Variants in KCNJ3 observed in about 807,000 individuals in gnomAD.
KCNJ3 encodes the protein potassium inwardly rectifying channel subfamily J member 3, also known as G protein-activated inward rectifier potassium channel 1.
Under a neutral mutation model 39.2 loss-of-function variants are expected in KCNJ3, and 4 were observed. The ratio of observed to expected loss-of-function variants is 0.10; its 90% CI spans 0.05 to 0.23. The LOEUF (loss-of-function observed/expected upper bound fraction) is 0.23, where lower values mean the gene tolerates loss of function less well. Among genes scored for constraint, KCNJ3 ranks in the 10% least tolerant of loss-of-function variants. The pLI is 1.00. For missense variants in KCNJ3, 276 were observed against 634.9 expected, an observed-to-expected ratio of 0.43 and a Z score of 6.08; for synonymous variants, 230 against 237.4, an observed-to-expected ratio of 0.97 and a Z score of 0.29.
intron 2 of KCNJ3, among the ~76,000 whole-genome samples, chr2:154,824,297 C>T (rs755388220): frequency 2.6e-5 from 4 of 152,070 alleles, no homozygotes; most frequent in Non-Finnish European, 5.9e-5. Context: ...GATCGCGCCA[C>T]TGCACTCCAG....
intron 2 of KCNJ3, among the ~76,000 whole-genome samples, chr2:154,774,470 T>C (rs114251244): frequency 0.017 from 2,659 of 152,186 alleles, 34 homozygotes; most frequent in Non-Finnish European, 0.028. Context: ...ATTAACATCA[T>C]TATTTAGAAA....
chr2:154,828,107 G>A (rs1687300366), intron 2 of KCNJ3, among the ~76,000 whole-genome samples: 1 of 152,128 alleles, frequency 6.6e-6, no homozygotes, highest in Non-Finnish European at 1.5e-5. Flanking sequence ...CTAAAACTAA[G>A]TCTTAGAAGA....
At chr2:154,791,887 G>A (rs1574464161) in intron 2 of KCNJ3, among the ~76,000 whole-genome samples, 1 of 152,042 alleles carries the variant, frequency 6.6e-6, no homozygotes, top group Admixed American at 6.6e-5. Flanking sequence ...TCTAGTACAG[G>A]CGAGATTTTG....
At chr2:154,720,995 A>G (rs1261464970) in intron 2 of KCNJ3, among the ~76,000 whole-genome samples, 1 of 151,438 alleles carries the variant, frequency 6.6e-6, no homozygotes, top group East Asian at 1.9e-4. Flanking sequence ...ATGTTTCAGC[A>G]TGTGTTATCT....
At chr2:154,738,239 G>A (rs537444791) in intron 2 of KCNJ3, among the ~76,000 whole-genome samples, 157 of 152,152 alleles carry the variant, frequency 1.0e-3, no homozygotes, top group Non-Finnish European at 2.0e-3. Context: ...TTGAACTCAA[G>A]GAGATAGAGA....
chr2:154,848,097 T>A (rs1385414470), intron 2 of KCNJ3, among the ~76,000 whole-genome samples: 1 of 152,180 alleles, frequency 6.6e-6, no homozygotes, highest in Admixed American at 6.5e-5. Flanking sequence ...CAAATATATA[T>A]ACACATATAC....
chr2:154,836,370 T>G (rs1260155695), intron 2 of KCNJ3, among the ~76,000 whole-genome samples: 3 of 152,066 alleles, frequency 2.0e-5, no homozygotes, highest in Non-Finnish European at 4.4e-5. Flanking sequence ...CTGTTTGCAT[T>G]TCATATGTTA....
chr2:154,831,252 T>C lies in KCNJ3; in HGVS notation c.920-23475T>C, dbSNP rs114564586. ...ATTTTTTTCAGGTGATAAGTACAGT[T>C]TCCCTTCAATATACAACACCAAATA... On this transcript the variant is annotated intron_variant, in intron 2 of 2. Transcript: ENST00000295101. Among the ~76,000 whole-genome samples the C allele has an allele frequency of 3.1e-3, 466 of 152,268 alleles. 2 individuals are homozygous for C. The highest frequency in any genetic ancestry group is 5.9e-3 in the Admixed American group (90 of 15,276).
intron 2 of KCNJ3, among the ~76,000 whole-genome samples, chr2:154,721,000 T>C (rs1389920257): frequency 2.6e-5 from 4 of 151,460 alleles, no homozygotes; most frequent in Non-Finnish European, 5.9e-5. Flanking sequence ...TCAGCATGTG[T>C]TATCTAGTTT....
intron 2 of KCNJ3, among the ~76,000 whole-genome samples, chr2:154,752,662 A>C (rs1258698912): frequency 1.3e-5 from 2 of 152,046 alleles, no homozygotes; most frequent in Non-Finnish European, 2.9e-5. Context: ...AATTTCTCAA[A>C]TATTTACAAT....
intron 2 of KCNJ3, among the ~76,000 whole-genome samples, chr2:154,828,228 A>T (rs1687302596): frequency 6.6e-6 from 1 of 152,242 alleles, no homozygotes; most frequent in South Asian, 2.1e-4. Flanking sequence ...GGTAGGTTTC[A>T]CTGATGAGAG....
chr2:154,806,499 A>C (rs1686913144), intron 2 of KCNJ3, among the ~76,000 whole-genome samples: 1 of 152,198 alleles, frequency 6.6e-6, no homozygotes, highest in Non-Finnish European at 1.5e-5. Context: ...ACTCTGGTAG[A>C]CTTGACCTAT....
At chr2:154,723,268 G>C (rs775766738) in intron 2 of KCNJ3, among the ~76,000 whole-genome samples, 11 of 151,386 alleles carry the variant, frequency 7.3e-5, no homozygotes, top group Non-Finnish European at 1.5e-4. Flanking sequence ...CTGGGCAACA[G>C]AGTGAGATCC....
intron 2 of KCNJ3, among the ~76,000 whole-genome samples, chr2:154,730,426 C>T (rs537776546): frequency 2.4e-4 from 36 of 151,932 alleles, no homozygotes; most frequent in Non-Finnish European, 4.7e-4. Context: ...AATGAAAAGG[C>T]ATTATTTTAT....
At chr2:154,845,046 G>A (rs570696614) in intron 2 of KCNJ3, among the ~76,000 whole-genome samples, 18 of 152,330 alleles carry the variant, frequency 1.2e-4, no homozygotes, top group South Asian at 2.1e-4. Flanking sequence ...CACATTGGGA[G>A]CTGTAGACCA....
chr2:154,732,440 GAAAC>G (rs1485911977), intron 2 of KCNJ3, among the ~76,000 whole-genome samples: 2 of 151,922 alleles, frequency 1.3e-5, no homozygotes, highest in Admixed American at 6.6e-5. Flanking sequence ...GGATTCTTTA[GAAAC>G]AAACAAACAA....
chr2:154,801,639 G>A (rs1229162113), intron 2 of KCNJ3, among the ~76,000 whole-genome samples: 1 of 142,540 alleles, frequency 7.0e-6, no homozygotes, highest in Non-Finnish European at 1.5e-5. Flanking sequence ...TTGTTTTTGA[G>A]ACAGGTTGAT....
intron 2 of KCNJ3, among the ~76,000 whole-genome samples, chr2:154,736,615 C>A (rs1028711626): frequency 6.6e-6 from 1 of 151,772 alleles, no homozygotes; most frequent in Admixed American, 6.6e-5. Flanking sequence ...TAAAGAGCAA[C>A]GAATGTGGGG....
At chr2:154,779,034 C>A (rs937649327) in intron 2 of KCNJ3, among the ~76,000 whole-genome samples, 2 of 152,020 alleles carry the variant, frequency 1.3e-5, no homozygotes, top group African/African-American at 2.4e-5. Context: ...GGGTGCTTGG[C>A]AAATGGTCAG....
Sources: gnomAD v4.1 joint callset for allele counts (sites outside exome capture counted in the v4.1 genomes callset) on GRCh38, gnomAD v4.1.1 for gene constraint, MANE v1.5 for transcripts, NCBI Gene and HGNC (gene_info 2026-07-23, HGNC 2026-07-21) for gene names.